The following LEKR1 variants were observed in gnomAD, a reference collection of about 807,000 sequenced individuals.
LEKR1 encodes the protein protein LEKR1.
LEKR1 carries 59 observed loss-of-function variants against 72.4 expected under a neutral mutation model. The ratio of observed to expected loss-of-function variants is 0.82; its 90% CI spans 0.66 to 1.01. LEKR1 has a LOEUF of 1.01. LEKR1 is among the 50% of genes least tolerant of loss of function. The pLI, the probability that LEKR1 is intolerant of heterozygous loss-of-function variation, is 0.00. For synonymous variants in LEKR1, 257 were observed against 263.2 expected, an observed-to-expected ratio of 0.98 and a Z score of 0.23; for missense variants, 728 against 759.2, an observed-to-expected ratio of 0.96 and a Z score of 0.48.
intron 6 of LEKR1, among the ~76,000 whole-genome samples, chr3:156,960,556 G>A (rs1313002513): frequency 6.6e-6 from 1 of 152,160 alleles, no homozygotes; most frequent in Non-Finnish European, 1.5e-5. Flanking sequence ...AAAGTACTGG[G>A]ATTACAGGCG....
chr3:156,890,321 A>G (rs1560055842), intron 3 of LEKR1, among the ~76,000 whole-genome samples: 1 of 152,210 alleles, frequency 6.6e-6, no homozygotes, highest in African/African-American at 2.4e-5. Flanking sequence ...CTGAGAAGTT[A>G]TAATCAACTC....
In LEKR1 at chr3:157,036,420, A is replaced by G. The variant is rs556709111; in HGVS notation, c.1668+8018A>G. 3.9e-5 allele frequency among the ~76,000 whole-genome samples: 6 copies of G among 152,298 alleles called. No homozygotes were observed. The East Asian group carries it at 7.7e-4, about 20-fold the overall frequency. On this transcript the variant is annotated intron_variant, in intron 12 of 12. Coordinates refer to ENST00000356539, the MANE Select transcript of LEKR1 (RefSeq NM_001004316.3). ...AATTCAAAGGAATAAGAAATAGAAG[A>G]CAGTGCCTTCCAAATTCCAAAGGAA...
At chr3:156,981,633 C>T (rs1280838584) in intron 7 of LEKR1, among the ~76,000 whole-genome samples, 2 of 152,200 alleles carry the variant, frequency 1.3e-5, no homozygotes, top group Non-Finnish European at 2.9e-5. Flanking sequence ...TATACTCTAT[C>T]TACTCTCCTT....
At chr3:157,013,106 G>C (rs1733029750) in intron 10 of LEKR1, among the ~76,000 whole-genome samples, 1 of 152,024 alleles carries the variant, frequency 6.6e-6, no homozygotes, top group South Asian at 2.1e-4. Flanking sequence ...TTGTCAATAT[G>C]TACCAAGAGA....
At chr3:157,015,641 C>G (rs758749410) in intron 10 of LEKR1, among the ~76,000 whole-genome samples, 4 of 152,054 alleles carry the variant, frequency 2.6e-5, no homozygotes, top group African/African-American at 9.7e-5. Context: ...TAGCACCGAA[C>G]AAGGTAAGTT....
At chr3:156,902,160 AG>A (rs11293895) in intron 3 of LEKR1, among the ~76,000 whole-genome samples, 7,379 of 152,006 alleles carry the variant, frequency 0.049, 651 homozygotes, top group African/African-American at 0.17. Flanking sequence ...CTCTTTTCAT[AG>A]TTTCAAACAT....
intron 9 of LEKR1, among the ~76,000 whole-genome samples, chr3:156,996,846 T>C (rs897898302): frequency 2.6e-5 from 4 of 152,032 alleles, no homozygotes; most frequent in African/African-American, 9.7e-5. Flanking sequence ...GGATGGATCA[T>C]CTAAGGTCAG....
chr3:156,830,957 T>C (rs1237121762), intron 2 of LEKR1, among the ~76,000 whole-genome samples: 1 of 152,224 alleles, frequency 6.6e-6, no homozygotes, highest in East Asian at 1.9e-4. Flanking sequence ...GGTTTCTTTT[T>C]TATTGTTTTT....
Position 156,967,957 on chromosome 3 carries a change from G to T in LEKR1, c.746-11237G>T, listed in dbSNP as rs1210776363. Among the ~76,000 whole-genome samples, 7 of 152,172 alleles carry T rather than the reference G, an allele frequency of 4.6e-5. No individual in the cohort carries two copies. In the East Asian group the frequency reaches 1.3e-3, roughly 29 times the overall value. ...AGAAACTCTACAAGCCAGAAGAGAG[G>T]CGGGGCCAATATTCAACATTCTTAA... On this transcript the variant is annotated intron_variant, in intron 6 of 12. Transcript: ENST00000356539.
chr3:156,924,032 A>G (rs180743261), intron 4 of LEKR1, among the ~76,000 whole-genome samples: 57 of 152,210 alleles, frequency 3.7e-4, no homozygotes, highest in African/African-American at 1.3e-3. Flanking sequence ...CTGCCAATCA[A>G]TATTTAATTT....
intron 3 of LEKR1, among the ~76,000 whole-genome samples, chr3:156,859,911 T>C (rs1716570055): frequency 6.6e-6 from 1 of 152,176 alleles, no homozygotes; most frequent in African/African-American, 2.4e-5. Context: ...GTGGATTAAA[T>C]TTTTCTTGGA....
At position 156,887,881 on chromosome 3, in the gene LEKR1, A is replaced by C. The variant is rs569520139; in HGVS notation, c.264-32694A>C. Reference sequence around the variant, plus strand: ...GGTATATCTTGAGAAATATATTTGAATATTCACCTCTCTATATATCATTTG... The same window carrying C: ...GGTATATCTTGAGAAATATATTTGACTATTCACCTCTCTATATATCATTTG... On this transcript the variant is annotated intron_variant, in intron 3 of 12. Transcript: ENST00000356539. Among the ~76,000 whole-genome samples, 6 of 152,280 alleles carry C rather than the reference A, an allele frequency of 3.9e-5. No homozygotes were observed. The Middle Eastern group carries it at 0.014, about 345-fold the overall frequency.
At chr3:156,914,166 T>C (rs1461251225) in intron 3 of LEKR1, among the ~76,000 whole-genome samples, 2 of 152,318 alleles carry the variant, frequency 1.3e-5, no homozygotes, top group African/African-American at 4.8e-5. Context: ...AATTTTTTAC[T>C]GTCATTTAAA....
At chr3:156,959,055 G>A (rs556203727) in intron 6 of LEKR1, among the ~76,000 whole-genome samples, 10 of 152,142 alleles carry the variant, frequency 6.6e-5, no homozygotes, top group Admixed American at 2.0e-4. Flanking sequence ...ATCTTGATAA[G>A]CACCATTCAT....
At chr3:156,835,993 C>T (rs868558808) in intron 2 of LEKR1, among the ~76,000 whole-genome samples, 1 of 148,578 alleles carries the variant, frequency 6.7e-6, no homozygotes, top group African/African-American at 2.5e-5. Flanking sequence ...TGTGCCTCAG[C>T]CTTCTGAGTA....
chr3:156,935,527 C>T (rs1397626907), intron 5 of LEKR1, among the ~76,000 whole-genome samples: 1 of 151,952 alleles, frequency 6.6e-6, no homozygotes, highest in African/African-American at 2.4e-5. Flanking sequence ...ATCCTAATAG[C>T]TATATAAACA....
chr3:157,029,079 A>G (rs773052002), intron 12 of LEKR1, among the ~76,000 whole-genome samples: 36 of 152,342 alleles, frequency 2.4e-4, no homozygotes, highest in Non-Finnish European at 4.3e-4. Flanking sequence ...TATAGCAAAT[A>G]AAGGTAAATG....
intron 12 of LEKR1, among the ~76,000 whole-genome samples, chr3:157,032,515 T>A (rs1255461485): frequency 6.6e-6 from 1 of 152,162 alleles, no homozygotes; most frequent in Non-Finnish European, 1.5e-5. Context: ...GGCAGTCAAT[T>A]AATAAAAAGT....
intron 9 of LEKR1, among the ~76,000 whole-genome samples, chr3:157,007,107 C>G (rs1732509545): frequency 6.6e-6 from 1 of 152,144 alleles, no homozygotes; most frequent in African/African-American, 2.4e-5. Flanking sequence ...GAGGCTGAGG[C>G]AGGAGAATGG....
Sources: gnomAD v4.1 joint callset for allele counts (sites outside exome capture counted in the v4.1 genomes callset) on GRCh38, gnomAD v4.1.1 for gene constraint, MANE v1.5 for transcripts, NCBI Gene and HGNC (gene_info 2026-07-23, HGNC 2026-07-21) for gene names.